RSRC1: variants seen among roughly 807,000 people sequenced by gnomAD.
The protein encoded by RSRC1 is arginine and serine rich coiled-coil 1, also known as serine/Arginine-related protein 53.
RSRC1 carries 39 observed loss-of-function variants against 49.1 expected under a neutral mutation model. The observed-to-expected ratio is 0.79, with a 90% CI of 0.61 to 1.04. The LOEUF (loss-of-function observed/expected upper bound fraction) is 1.04. Among genes scored for constraint, RSRC1 ranks in the 50% least tolerant of loss-of-function variants. The probability of loss-of-function intolerance (pLI) is 0.00; values close to 1 mark genes in which losing one functional copy is unlikely to be tolerated. For missense variants in RSRC1, 388 were observed against 402.4 expected (o/e 0.96, Z 0.31); for synonymous variants, 143 against 130.8 (o/e 1.09, Z -0.63).
rs909785029 is a variant in RSRC1, at chr3:158,118,914, C to T, written c.-2-3189C>T. Reference sequence around the variant, plus strand: ...GTGTTGTTCAGTTTTTGCAGATATTCAAGAATCCTCTTGAGGATAGCACAC... The same window carrying T: ...GTGTTGTTCAGTTTTTGCAGATATTTAAGAATCCTCTTGAGGATAGCACAC... On this transcript the variant is annotated intron_variant, in intron 1 of 9. Coordinates refer to ENST00000611884, the MANE Select transcript of RSRC1 (RefSeq NM_001271838.2). Among the ~76,000 whole-genome samples the T allele has an allele frequency of 2.6e-5, 4 of 152,282 alleles. No homozygotes were observed. In the South Asian group the frequency reaches 8.3e-4, roughly 32 times the overall value.
At position 158,368,435 on chromosome 3, in the gene RSRC1, C is replaced by T. The variant is rs187034440; in HGVS notation, c.583+13527C>T. Among the ~76,000 whole-genome samples the T allele has an allele frequency of 5.9e-3, 901 of 152,262 alleles. 11 individuals carry two copies. Among genetic ancestry groups the T allele is most frequent in the Non-Finnish European group, 5.5e-3 (373 of 68,022 alleles). ...TTTGTATAAATCCTGGGTAGGAATA[C>T]GTTTATGGGTCACTTCCTACCAGGA... On this transcript the variant is annotated intron_variant, in intron 6 of 9. Transcript: ENST00000611884.
At chr3:158,207,020 G>C (rs1212176618) in intron 4 of RSRC1, among the ~76,000 whole-genome samples, 1 of 152,158 alleles carries the variant, frequency 6.6e-6, no homozygotes, top group Non-Finnish European at 1.5e-5. Flanking sequence ...TGATGAAATA[G>C]GTGCTTTTAT....
chr3:158,441,375 T>G (rs1468038169), intron 6 of RSRC1, among the ~76,000 whole-genome samples: 1 of 152,094 alleles, frequency 6.6e-6, no homozygotes, highest in Admixed American at 6.6e-5. Context: ...AACAAAGACT[T>G]TTTTAAATAT....
chr3:158,381,949 A>G (rs771779584), intron 6 of RSRC1, among the ~76,000 whole-genome samples: 13 of 152,166 alleles, frequency 8.5e-5, no homozygotes, highest in Non-Finnish European at 1.5e-4. Context: ...TTTTTTGTTC[A>G]ATAGTAAATT....
At chr3:158,330,631 C>T (rs566805106) in intron 5 of RSRC1, among the ~76,000 whole-genome samples, 2 of 152,128 alleles carry the variant, frequency 1.3e-5, no homozygotes, top group Non-Finnish European at 1.5e-5. Flanking sequence ...TTGATCTTTG[C>T]TCTTCTAAGG....
At chr3:158,250,206 C>T (rs1225093580) in intron 4 of RSRC1, among the ~76,000 whole-genome samples, 1 of 152,104 alleles carries the variant, frequency 6.6e-6, no homozygotes, top group South Asian at 2.1e-4. Context: ...TTTTCTTTAT[C>T]CATTTCTGTG....
At chr3:158,519,590 G>A (rs899034804) in intron 7 of RSRC1, among the ~76,000 whole-genome samples, 23 of 152,162 alleles carry the variant, frequency 1.5e-4, no homozygotes, top group Middle Eastern at 6.8e-3. Flanking sequence ...GTTTGGCAAG[G>A]GGTAGAGATT....
At chr3:158,528,684 C>T (rs1712192411) in intron 7 of RSRC1, among the ~76,000 whole-genome samples, 1 of 151,966 alleles carries the variant, frequency 6.6e-6, no homozygotes. Flanking sequence ...CAAACAGCAA[C>T]TGCAGAATCT....
chr3:158,378,018 C>G (rs1020460565), intron 6 of RSRC1, among the ~76,000 whole-genome samples: 3 of 152,036 alleles, frequency 2.0e-5, no homozygotes, highest in Non-Finnish European at 4.4e-5. Flanking sequence ...GCTCTTTTTT[C>G]CCTCCCAATT....
chr3:158,111,569 T>C (rs1041213009), intron 1 of RSRC1, among the ~76,000 whole-genome samples: 2 of 152,202 alleles, frequency 1.3e-5, no homozygotes, highest in African/African-American at 2.4e-5. Flanking sequence ...GGAGAAGTGT[T>C]TTGACAGAAT....
At chr3:158,374,123 A>AGGG (rs755511513) in intron 6 of RSRC1, among the ~76,000 whole-genome samples, 10 of 152,050 alleles carry the variant, frequency 6.6e-5, no homozygotes, top group Non-Finnish European at 1.2e-4. Flanking sequence ...TTTGAATACA[A>AGGG]GGGGGAAAGC....
chr3:158,459,770 TA>T, intron 6 of RSRC1, among the ~76,000 whole-genome samples: 1 of 152,108 alleles, frequency 6.6e-6, no homozygotes, highest in African/African-American at 2.4e-5. Context: ...TAAGTATATA[TA>T]AAAGCTTGTA....
chr3:158,198,801 G>A (rs1271222628), intron 3 of RSRC1, among the ~76,000 whole-genome samples: 1 of 152,050 alleles, frequency 6.6e-6, no homozygotes, highest in Non-Finnish European at 1.5e-5. Flanking sequence ...CGGCCATCTT[G>A]GCTCCACCCC....
At chr3:158,427,191 C>G (rs1284270488) in intron 6 of RSRC1, among the ~76,000 whole-genome samples, 1 of 132,150 alleles carries the variant, frequency 7.6e-6, no homozygotes, top group Non-Finnish European at 1.8e-5. Context: ...AGCCAACCAA[C>G]CAAAAAAAAA....
chr3:158,520,065 C>G (rs1295657547), intron 7 of RSRC1, among the ~76,000 whole-genome samples: 1 of 152,062 alleles, frequency 6.6e-6, no homozygotes, highest in Non-Finnish European at 1.5e-5. Flanking sequence ...GAAATAGAAT[C>G]CTTCTATTAA....
intron 4 of RSRC1, among the ~76,000 whole-genome samples, chr3:158,245,153 G>A (rs1305008513): frequency 7.7e-6 from 1 of 130,528 alleles, no homozygotes; most frequent in Non-Finnish European, 1.8e-5. Context: ...TTTGATGTGG[G>A]CATTTAGTGC....
At chr3:158,138,631 A>G (rs1388442565) in intron 3 of RSRC1, among the ~76,000 whole-genome samples, 2 of 152,216 alleles carry the variant, frequency 1.3e-5, no homozygotes, top group Non-Finnish European at 2.9e-5. Flanking sequence ...ACTTATTGTC[A>G]TAAGATTTCC....
At chr3:158,295,416 T>C (rs73166390) in intron 4 of RSRC1, among the ~76,000 whole-genome samples, 21,000 of 152,108 alleles carry the variant, frequency 0.14, 1,583 homozygotes, top group Middle Eastern at 0.21. Flanking sequence ...AAGAAGAGAA[T>C]TGACATGATT....
chr3:158,377,085 A>G (rs920595173), intron 6 of RSRC1, among the ~76,000 whole-genome samples: 5 of 152,118 alleles, frequency 3.3e-5, no homozygotes, highest in East Asian at 1.9e-4. Context: ...CATTGAAGTC[A>G]TTGTTGTTAA....
Sources: gnomAD v4.1 joint callset for allele counts (sites outside exome capture counted in the v4.1 genomes callset) on GRCh38, gnomAD v4.1.1 for gene constraint, MANE v1.5 for transcripts, NCBI Gene and HGNC (gene_info 2026-07-23, HGNC 2026-07-21) for gene names.